Variants in AR observed in about 807,000 individuals in gnomAD.
The protein encoded by AR is dihydrotestosterone receptor.
In AR, 8 loss-of-function variants were observed where a neutral mutation model predicts 53.9. That is an observed-to-expected ratio of 0.15 (90% confidence interval 0.09 to 0.27). AR has a LOEUF of 0.27. AR is among the 10% of genes least tolerant of loss of function. The probability of loss-of-function intolerance (pLI) is 1.00; values close to 1 mark genes in which losing one functional copy is unlikely to be tolerated. For synonymous variants in AR, 359 were observed against 316.4 expected (o/e 1.13, Z -1.43); for missense variants, 639 against 742.5 (o/e 0.86, Z 1.62).
intron 3 of AR, among the ~76,000 whole-genome samples, chrX:67,686,944 A>T (rs2075970102): frequency 9.0e-6 from 1 of 111,261 alleles, no homozygotes; most frequent in Admixed American, 9.6e-5. Context: ...TCATGTTTAC[A>T]TCTGCCCAAT....
intron 3 of AR, among the ~76,000 whole-genome samples, chrX:67,702,463 GC>G (rs1160473865): frequency 2.7e-5 from 3 of 112,026 alleles, no homozygotes; most frequent in Non-Finnish European, 5.6e-5. Flanking sequence ...GATGGTCTTG[GC>G]CCAGATCATA....
chrX:67,576,994 C>T (rs894052663), intron 1 of AR, among the ~76,000 whole-genome samples: 3 of 103,723 alleles, frequency 2.9e-5, no homozygotes, highest in Admixed American at 2.1e-4. Flanking sequence ...GGGTTTCTCT[C>T]TCTCTCTCTC....
chrX:67,588,395 T>G (rs962481902), intron 1 of AR, among the ~76,000 whole-genome samples: 2 of 111,955 alleles, frequency 1.8e-5, no homozygotes, highest in African/African-American at 6.5e-5. Flanking sequence ...CCCAAAGCAC[T>G]TTGTAAGGAA....
At chrX:67,627,424 G>T (rs184476359) in intron 1 of AR, among the ~76,000 whole-genome samples, 3,241 of 112,185 alleles carry the variant, frequency 0.029, 109 homozygotes, top group African/African-American at 0.1. Context: ...GTGCATAAAT[G>T]TCTTCTTTTT....
intron 1 of AR, among the ~76,000 whole-genome samples, chrX:67,631,859 A>T (rs1203041010): frequency 3.6e-5 from 4 of 111,880 alleles, no homozygotes; most frequent in Non-Finnish European, 7.5e-5. Flanking sequence ...CTTCTAAGAG[A>T]CAGGACCCTC....
intron 2 of AR, among the ~76,000 whole-genome samples, chrX:67,650,920 C>T (rs773605313): frequency 3.6e-5 from 4 of 112,131 alleles, no homozygotes; most frequent in African/African-American, 9.7e-5. Flanking sequence ...GTAGTAATAT[C>T]CTCATGCATT....
intron 2 of AR, among the ~76,000 whole-genome samples, chrX:67,653,849 T>C (rs190927205): frequency 8.1e-5 from 9 of 111,729 alleles, no homozygotes; most frequent in Admixed American, 4.8e-4. Context: ...AAAATCTCCA[T>C]TGGAACAGTA....
chrX:67,546,884 G>A lies in AR; in HGVS notation c.1616+122G>A, dbSNP rs931206065. The A allele has an allele frequency of 3.7e-4, 310 of 830,587 alleles. 1 individual carries two copies. The highest frequency in any genetic ancestry group is 5.2e-4 in the Non-Finnish European group (299 of 579,932). The allele number at this position is 830,587 out of a possible 1,213,427, so 68.4% of individuals were successfully genotyped here. ...GATTGCCCCTGGGAGAGCTCAGCAGGGTAAACCTAGAGCTCTCCCGTGGAC... is the reference window on the plus strand; with the variant it reads ...GATTGCCCCTGGGAGAGCTCAGCAGAGTAAACCTAGAGCTCTCCCGTGGAC... On this transcript the variant is annotated intron_variant, in intron 1 of 7. Coordinates refer to ENST00000374690, the MANE Select transcript of AR (RefSeq NM_000044.6).
In AR at chrX:67,727,319, TA is replaced by T; in HGVS notation, c.*3484del. ...TATTTTTATGTATGTTCACTGGCAC[TA>T]AAAAATATAGAGAGCTTCATTCTGT... On this transcript the variant is annotated 3_prime_UTR_variant, in exon 8 of 8. Coordinates refer to ENST00000374690, the MANE Select transcript of AR (RefSeq NM_000044.6). The T allele has an allele frequency of 5.9e-6, 1 of 170,546 alleles. No homozygotes were observed. Among genetic ancestry groups the T allele is most frequent in the Non-Finnish European group, 1.1e-5 (1 of 88,324 alleles). 14.1% of individuals were successfully genotyped at this position (170,546 alleles called of 1,213,427 possible).
chrX:67,654,746 T>C (rs1035047241), intron 2 of AR, among the ~76,000 whole-genome samples: 2 of 106,068 alleles, frequency 1.9e-5, no homozygotes, highest in Non-Finnish European at 3.9e-5. Context: ...CCAGATTCAA[T>C]AGAAACCTGA....
intron 1 of AR, among the ~76,000 whole-genome samples, chrX:67,638,613 A>G (rs762786861): frequency 8.9e-6 from 1 of 112,088 alleles, no homozygotes; most frequent in Admixed American, 9.5e-5. Context: ...GACCGCATAA[A>G]TGTCTTCTTT....
intron 1 of AR, among the ~76,000 whole-genome samples, chrX:67,566,817 CT>C (rs750815639): frequency 2.7e-5 from 3 of 111,556 alleles, no homozygotes; most frequent in Non-Finnish European, 5.6e-5. Flanking sequence ...AAGTATTACT[CT>C]TTTTGAGCAT....
At chrX:67,554,966 C>G (rs1050408662) in intron 1 of AR, among the ~76,000 whole-genome samples, 1 of 108,678 alleles carries the variant, frequency 9.2e-6, no homozygotes. Context: ...TCATTAAGCA[C>G]CTGCTATGTG....
At chrX:67,563,816 A>G (rs1265793473) in intron 1 of AR, among the ~76,000 whole-genome samples, 1 of 112,350 alleles carries the variant, frequency 8.9e-6, no homozygotes, top group Non-Finnish European at 1.9e-5. Flanking sequence ...CTTCTTGGCC[A>G]GAGGTCATGG....
At chrX:67,720,710 C>T (rs1357213417) in intron 5 of AR, among the ~76,000 whole-genome samples, 1 of 111,425 alleles carries the variant, frequency 9.0e-6, no homozygotes, top group African/African-American at 3.3e-5. Context: ...TGAGCTTCCA[C>T]CCAGACAATA....
intron 2 of AR, among the ~76,000 whole-genome samples, chrX:67,643,763 T>A (rs1267039807): frequency 8.9e-6 from 1 of 111,897 alleles, no homozygotes. Flanking sequence ...ATTAGAGAGG[T>A]TAGAAGTGGA....
intron 2 of AR, among the ~76,000 whole-genome samples, chrX:67,684,355 A>G (rs1215513566): frequency 8.9e-6 from 1 of 112,025 alleles, no homozygotes; most frequent in Non-Finnish European, 1.9e-5. Flanking sequence ...GGTATGCTAG[A>G]AAGAGCACTG....
intron 2 of AR, among the ~76,000 whole-genome samples, chrX:67,647,782 G>A (rs1001340760): frequency 8.9e-6 from 1 of 111,866 alleles, no homozygotes; most frequent in African/African-American, 3.2e-5. Context: ...TATGGTCTCT[G>A]TGTCAACTAC....
Position 67,545,602 on chromosome X carries a change from T to C in AR, c.456T>C (p.Pro152=), listed in dbSNP as rs1929689533. The C allele has an allele frequency of 8.4e-7, 1 of 1,187,046 alleles. No individual in the cohort carries two copies. Among genetic ancestry groups the C allele is most frequent in the South Asian group, 1.8e-5 (1 of 54,083 alleles). Residue 152 remains proline (P), a synonymous_variant, in exon 1 of 8, where the codon CCT becomes CCC. Coordinates refer to ENST00000374690, the MANE Select transcript of AR (RefSeq NM_000044.6). The stretch of plus-strand genomic sequence containing the variant: ...GGCTGCCGCAGCAGCTGCCAGCACC[T>C]CCGGACGAGGATGACTCAGCTGCCC... ...SKGLPQQLPA[P]PDEDDSAAPS...
Sources: allele counts gnomAD v4.1 joint callset (sites outside exome capture counted in the v4.1 genomes callset), GRCh38; gene constraint gnomAD v4.1.1; transcripts MANE v1.5; gene names NCBI Gene and HGNC (gene_info 2026-07-23, HGNC 2026-07-21).